Variants in ASH1L observed in about 807,000 individuals in gnomAD.
ASH1L encodes ASH1 like histone lysine methyltransferase.
Under a neutral mutation model 269.0 loss-of-function variants are expected in ASH1L, and 23 were observed. The observed-to-expected ratio is 0.09, with a 90% confidence interval of 0.06 to 0.12. The LOEUF (loss-of-function observed/expected upper bound fraction) is 0.12, where lower values mean the gene tolerates loss of function less well. Ranked by LOEUF, ASH1L falls within the 10% of genes least tolerant of loss-of-function variation. The pLI, the probability that ASH1L is intolerant of heterozygous loss-of-function variation, is 1.00. For missense variants in ASH1L, 2,912 were observed against 3,567.8 expected (o/e 0.82, Z 4.68); for synonymous variants, 1,187 against 1,253.5 (o/e 0.95, Z 1.12).
intron 2 of ASH1L, among the ~76,000 whole-genome samples, chr1:155,490,785 C>G (rs1234566169): frequency 6.6e-6 from 1 of 151,648 alleles, no homozygotes; most frequent in Non-Finnish European, 1.5e-5. Context: ...AGGGAGACCC[C>G]CTTCTCTACA....
In ASH1L at chr1:155,348,522, T is replaced by C. The variant is rs138544252; in HGVS notation, c.7555-618A>G. 2.0e-5 allele frequency among the ~76,000 whole-genome samples: 3 copies of C among 152,258 alleles called. No individual in the cohort carries two copies. In the East Asian group the frequency reaches 5.8e-4, roughly 29 times the overall value. On this transcript the variant is annotated intron_variant, in intron 19 of 27. Coordinates refer to ENST00000392403, the MANE Select transcript of ASH1L (RefSeq NM_018489.3). ...GTCCTTTAAATCAGTTCAAGGCCAC[T>C]TTCTCTCCAATGAGCTTCAGCTATT...
chr1:155,490,918 T>C (rs1463054163), intron 2 of ASH1L, among the ~76,000 whole-genome samples: 1 of 127,568 alleles, frequency 7.8e-6, no homozygotes, highest in East Asian at 2.1e-4. Flanking sequence ...CCATGAGCCA[T>C]GATCACACCA....
chr1:155,449,522 G>GT (rs931941166), intron 4 of ASH1L, among the ~76,000 whole-genome samples: 6,400 of 134,738 alleles, frequency 0.047, 180 homozygotes, highest in African/African-American at 0.091. Flanking sequence ...AAATGTGGTT[G>GT]TTTTTTTTTT....
At chr1:155,365,372 A>ATTTTTTTTTTTTT (rs142145021) in intron 12 of ASH1L, among the ~76,000 whole-genome samples, 37 of 124,228 alleles carry the variant, frequency 3.0e-4, no homozygotes, top group African/African-American at 1.1e-3. Flanking sequence ...TGCCCGGCTG[A>ATTTTTTTTTTTTT]TTTTTTTTTT....
chr1:155,454,391 T>C (rs1663722057), intron 4 of ASH1L, among the ~76,000 whole-genome samples: 1 of 152,226 alleles, frequency 6.6e-6, no homozygotes, highest in African/African-American at 2.4e-5. Flanking sequence ...ATATGTATGA[T>C]GTCTTTTAAA....
In ASH1L at chr1:155,475,668, T is replaced by C. The variant is rs570677175; in HGVS notation, c.4984+2218A>G. On this transcript the variant is annotated intron_variant, in intron 3 of 27. Coordinates refer to ENST00000392403, the MANE Select transcript of ASH1L (RefSeq NM_018489.3). ...AGGTCAGATATCAGGCATTTACTAT[T>C]GTATATGCCAGTGACTAGAATAGTC... 2.0e-5 allele frequency among the ~76,000 whole-genome samples: 3 copies of C among 152,330 alleles called. No homozygotes were observed. In the East Asian group the frequency reaches 5.8e-4, roughly 29 times the overall value.
At chr1:155,516,000 T>C (rs1668478922) in intron 2 of ASH1L, among the ~76,000 whole-genome samples, 1 of 152,118 alleles carries the variant, frequency 6.6e-6, no homozygotes, top group Non-Finnish European at 1.5e-5. Context: ...TGGCACTTTA[T>C]CATCATCCTT....
Position 155,352,801 on chromosome 1 carries a change from C to T in ASH1L, c.7271G>A (p.Arg2424Gln), listed in dbSNP as rs1654048799. ...AATATTTTCCTCTGCAGCTGCCAAC[C>T]GTCTTGTTCGAACAGATCGAGCTGT... ...LQTARSVRTR[R>Q]LAAAEENIEV... The change falls in exon 17 of 28, where the codon CGG becomes CAG. Residue 2424 changes from arginine to glutamine, a missense_variant. By Grantham distance (43) the Arg-to-Gln change is conservative. Transcript: ENST00000392403. 3.1e-6 allele frequency: 5 copies of T among 1,614,126 alleles called. No homozygotes were observed. Among genetic ancestry groups the T allele is most frequent in the Admixed American group, 1.7e-5 (1 of 60,006 alleles).
chr1:155,521,150 T>G lies in ASH1L; in HGVS notation c.370A>C (p.Lys124Gln). 6.2e-7 allele frequency: 1 copy of G among 1,610,834 alleles called. No homozygotes were observed. The highest frequency in any genetic ancestry group is 1.1e-5 in the South Asian group (1 of 89,626). ...TTTTCATCCGTCATCTTTCCACTTTTAAGTGCTTTCCTTGGGTGCTTAATA... is the reference window on the plus strand; with the variant it reads ...TTTTCATCCGTCATCTTTCCACTTTGAAGTGCTTTCCTTGGGTGCTTAATA... Reference protein sequence around the residue: ...TTIKHPRKALKSGKMTDEKNE... With the variant: ...TTIKHPRKALQSGKMTDEKNE... Residue 124 changes from lysine (K) to glutamine (Q), a missense_variant, in exon 2 of 28, where the codon AAA (lysine) becomes CAA (glutamine). By Grantham distance (53) the Lys-to-Gln change is moderately conservative. This residue lies in a region of ASH1L where 277 missense variants were observed against 367.7 expected (regional missense o/e 0.75). Coordinates refer to ENST00000392403, the MANE Select transcript of ASH1L (RefSeq NM_018489.3).
At chr1:155,385,390 G>A (rs1657343842) in intron 7 of ASH1L, among the ~76,000 whole-genome samples, 1 of 152,122 alleles carries the variant, frequency 6.6e-6, no homozygotes, top group Non-Finnish European at 1.5e-5. Context: ...GCTACGGTGG[G>A]CAGAGATTGT....
intron 1 of ASH1L, among the ~76,000 whole-genome samples, chr1:155,530,162 T>TA (rs575580397): frequency 4.0e-4 from 60 of 151,676 alleles, no homozygotes; most frequent in African/African-American, 1.1e-3. Context: ...AAGCATTTCC[T>TA]AAAAAAAACA....
intron 1 of ASH1L, among the ~76,000 whole-genome samples, chr1:155,525,785 C>T (rs80238460): frequency 6.6e-6 from 1 of 151,972 alleles, no homozygotes; most frequent in African/African-American, 2.4e-5. Context: ...AGCTATACCC[C>T]TCAACAGATT....
chr1:155,382,439 A>C (rs1042364079), intron 7 of ASH1L, among the ~76,000 whole-genome samples: 2 of 152,188 alleles, frequency 1.3e-5, no homozygotes, highest in Non-Finnish European at 2.9e-5. Flanking sequence ...TGGAGCTTGC[A>C]GTGAGCTGAG....
chr1:155,373,443 G>C (rs535200415), intron 10 of ASH1L, among the ~76,000 whole-genome samples: 52 of 151,432 alleles, frequency 3.4e-4, no homozygotes, highest in African/African-American at 1.3e-3. Flanking sequence ...GCGCACCACC[G>C]CATCTGACTA....
chr1:155,547,212 A>G (rs1670892453), intron 1 of ASH1L, among the ~76,000 whole-genome samples: 1 of 151,436 alleles, frequency 6.6e-6, no homozygotes, highest in South Asian at 2.1e-4. Flanking sequence ...TGGCCTCCCA[A>G]AGTGCTGGGA....
At chr1:155,445,323 A>G (rs1048765747) in intron 4 of ASH1L, among the ~76,000 whole-genome samples, 4 of 152,084 alleles carry the variant, frequency 2.6e-5, no homozygotes, top group Non-Finnish European at 5.9e-5. Context: ...AGCTGGGATT[A>G]CATGCACCCA....
intron 25 of ASH1L, among the ~76,000 whole-genome samples, 158 bp downstream of exon 25, chr1:155,341,778 T>C (rs1253162019): frequency 5.9e-5 from 9 of 152,222 alleles, no homozygotes; most frequent in Admixed American, 3.3e-4. Flanking sequence ...AATGTACTTA[T>C]GCTGTTCAAA....
intron 6 of ASH1L, among the ~76,000 whole-genome samples, chr1:155,402,819 A>G (rs10158037): frequency 0.052 from 7,804 of 150,950 alleles, 684 homozygotes; most frequent in African/African-American, 0.18. Flanking sequence ...CTCCCGAAGT[A>G]CTGGGATTAC....
In ASH1L at chr1:155,478,858, A is replaced by G. The variant is rs768486989; in HGVS notation, c.4012T>C (p.Leu1338=). 46 of 1,613,884 alleles carry G rather than the reference A, an allele frequency of 2.9e-5. 1 individual carries two copies. The highest frequency in any genetic ancestry group is 3.6e-5 in the Non-Finnish European group (43 of 1,179,996). ...YTHPSFPLDP[L]HYIRKPDLKK... The stretch of plus-strand genomic sequence containing the variant: ...AAGTCAGGTTTTCGAATGTAGTGCA[A>G]AGGGTCTAAGGGGAAAGAAGGATGT... Residue 1338 remains leucine, a synonymous_variant, in exon 3 of 28, where the codon TTG becomes CTG. Coordinates refer to ENST00000392403, the MANE Select transcript of ASH1L (RefSeq NM_018489.3). This position sits in a 1 kb window ranked among gnomAD's most constrained non-coding sequence, Gnocchi z 4.6.
Sources: allele counts gnomAD v4.1 joint callset (sites outside exome capture counted in the v4.1 genomes callset), GRCh38; gene constraint gnomAD v4.1.1; regional missense constraint gnomAD v4.1.1; non-coding constraint Gnocchi (gnomAD v3.1); transcripts MANE v1.5; gene names NCBI Gene and HGNC (gene_info 2026-07-23, HGNC 2026-07-21).